SPOP: variants seen among roughly 807,000 people sequenced by gnomAD.
The protein encoded by SPOP is speckle-type POZ protein.
A neutral mutation model predicts 45.6 loss-of-function variants in SPOP; 11 were observed. The ratio of observed to expected loss-of-function variants is 0.24; its 90% CI spans 0.15 to 0.40. The LOEUF is 0.40. Among genes scored for constraint, SPOP ranks in the 10% least tolerant of loss-of-function variants. The pLI, the probability that SPOP is intolerant of heterozygous loss-of-function variation, is 1.00. For synonymous variants in SPOP, 166 were observed against 166.3 expected, an observed-to-expected ratio of 1.00 and a Z score of 0.01; for missense variants, 152 against 465.6, an observed-to-expected ratio of 0.33 and a Z score of 6.20.
chr17:49,661,884 A>G (rs1468351093), intron 1 of SPOP, among the ~76,000 whole-genome samples: 1 of 152,016 alleles, frequency 6.6e-6, no homozygotes, highest in Non-Finnish European at 1.5e-5. Context: ...ATTGTGGTGC[A>G]TGCCTGTAAT....
intron 1 of SPOP, among the ~76,000 whole-genome samples, chr17:49,676,351 G>A (rs977066427): frequency 1.3e-5 from 2 of 152,158 alleles, no homozygotes; most frequent in Non-Finnish European, 2.9e-5. Flanking sequence ...TGTTCCCTGT[G>A]TGTCATCTCT....
chr17:49,600,234 T>G lies in SPOP; in HGVS notation c.*144A>C. 1.8e-6 allele frequency: 2 copies of G among 1,114,668 alleles called. No individual in the cohort carries two copies. Among genetic ancestry groups the G allele is most frequent in the Non-Finnish European group, 2.6e-6 (2 of 773,378 alleles). 69.0% of individuals were successfully genotyped at this position (1,114,668 alleles called of 1,614,324 possible). A position where few individuals can be genotyped will look rare whatever the true frequency, so the allele number is the denominator to read the frequency against. The stretch of plus-strand genomic sequence containing the variant: ...TCCCCCAAGTTATTTAGTGCTGTTT[T>G]AAAAGTCTGGGGCCACAATGCAGTC... On this transcript the variant is annotated 3_prime_UTR_variant, in exon 10 of 10. Coordinates refer to ENST00000504102, the MANE Select transcript of SPOP (RefSeq NM_001007228.2). The surrounding 1 kb of genome is among the most constrained non-coding windows in gnomAD (Gnocchi z 4.2).
chr17:49,673,310 C>G (rs1264487463), intron 1 of SPOP, among the ~76,000 whole-genome samples: 2 of 152,020 alleles, frequency 1.3e-5, no homozygotes, highest in East Asian at 3.9e-4. Flanking sequence ...TCAAGACCAT[C>G]CTGGCTAACA....
intron 1 of SPOP, among the ~76,000 whole-genome samples, chr17:49,655,788 T>C (rs1567798306): frequency 3.3e-5 from 5 of 152,196 alleles, no homozygotes; most frequent in Non-Finnish European, 7.4e-5. Flanking sequence ...AGCTCAGTCT[T>C]AGCCATAAAA....
chr17:49,615,417 T>A (rs1252768134), intron 5 of SPOP, among the ~76,000 whole-genome samples: 1 of 152,216 alleles, frequency 6.6e-6, no homozygotes, highest in Non-Finnish European at 1.5e-5. Context: ...CTGAACTATT[T>A]CATGAAGATT....
intron 1 of SPOP, among the ~76,000 whole-genome samples, chr17:49,672,753 C>T (rs2073152049): frequency 6.6e-6 from 1 of 151,992 alleles, no homozygotes; most frequent in South Asian, 2.1e-4. Flanking sequence ...TCGAGACTGG[C>T]CTAGCCAACA....
Position 49,619,502 on chromosome 17 carries a change from T to C in SPOP, c.201-117A>G. 9.0e-7 allele frequency: 1 copy of C among 1,111,736 alleles called. No individual in the cohort carries two copies. 68.9% of individuals were successfully genotyped at this position (1,111,736 alleles called of 1,614,324 possible). A position where few individuals can be genotyped will look rare whatever the true frequency, so the allele number is the denominator to read the frequency against. On this transcript the variant is annotated intron_variant, in intron 3 of 9. Transcript: ENST00000504102. This position sits in a 1 kb window ranked among gnomAD's most constrained non-coding sequence, Gnocchi z 4.9. The stretch of plus-strand genomic sequence containing the variant: ...CAAATGCAGGCCCCATAGAAGAATA[T>C]AATTCAGTAGAATGACTAGTTGGGA...
intron 1 of SPOP, among the ~76,000 whole-genome samples, chr17:49,626,260 A>T (rs929262185): frequency 1.3e-5 from 2 of 152,180 alleles, no homozygotes; most frequent in African/African-American, 4.8e-5. Flanking sequence ...GGATCATTCT[A>T]TAATAGTTTT....
intron 2 of SPOP, 102 bp downstream of exon 2, chr17:49,622,631 C>A: frequency 1.0e-6 from 1 of 1,003,108 alleles, no homozygotes; most frequent in Non-Finnish European, 1.6e-6. Context: ...CAGTTATGTT[C>A]CAGAGAAAGC....
chr17:49,618,473 G>A (rs2072137762), intron 5 of SPOP: 1 of 449,712 alleles, frequency 2.2e-6, no homozygotes, highest in Non-Finnish European at 4.5e-6. Flanking sequence ...GCTTTACATA[G>A]CCTTCACCCT....
rs992841817 is a variant in SPOP, at chr17:49,607,809, A to G, written c.714+65T>C. 5 of 1,462,160 alleles carry G rather than the reference A, an allele frequency of 3.4e-6. No homozygotes were observed. In the African/African-American group the frequency reaches 4.2e-5, roughly 12 times the overall value. 90.6% of individuals were successfully genotyped at this position (1,462,160 alleles called of 1,614,324 possible). A position where few individuals can be genotyped will look rare whatever the true frequency, so the allele number is the denominator to read the frequency against. On this transcript the variant is annotated intron_variant, in intron 7 of 9. Coordinates refer to ENST00000504102, the MANE Select transcript of SPOP (RefSeq NM_001007228.2). ...TAATTAGGAAAATGAATCTGCAGCT[A>G]AAGTGGGAAATCATCTGACTCTAGA...
chr17:49,667,456 G>C (rs2073078021), intron 1 of SPOP, among the ~76,000 whole-genome samples: 2 of 152,096 alleles, frequency 1.3e-5, no homozygotes, highest in Non-Finnish European at 2.9e-5. Flanking sequence ...GGGCGTGGTG[G>C]CATGCGCCTG....
Position 49,622,483 on chromosome 17 carries a change from G to A in SPOP, c.78+250C>T, listed in dbSNP as rs1326268963. ...GAAACTCAGAACACACTTTCATCAA[G>A]GGCAATGTAAGCAGATCTAGTTTCA... On this transcript the variant is annotated intron_variant, in intron 2 of 9. Transcript: ENST00000504102. 3 of 551,770 alleles carry A rather than the reference G, an allele frequency of 5.4e-6. No individual in the cohort carries two copies. The African/African-American group carries it at 5.7e-5, about 10-fold the overall frequency. 34.2% of individuals were successfully genotyped at this position (551,770 alleles called of 1,614,324 possible).
At chr17:49,663,110 G>A (rs1351744668) in intron 1 of SPOP, among the ~76,000 whole-genome samples, 8 of 152,246 alleles carry the variant, frequency 5.3e-5, no homozygotes, top group East Asian at 1.9e-4. Flanking sequence ...AGACCTTACC[G>A]ACCCATGGCC....
intron 1 of SPOP, among the ~76,000 whole-genome samples, chr17:49,665,479 G>T (rs1230062): frequency 0.077 from 11,619 of 151,824 alleles, 532 homozygotes; most frequent in East Asian, 0.22. Context: ...GCCAGGCGTG[G>T]TGGCAGGCGC....
At chr17:49,646,724 G>C (rs370882018) in intron 1 of SPOP, 1 of 152,130 alleles carries the variant, frequency 6.6e-6, no homozygotes, top group East Asian at 1.9e-4. Flanking sequence ...AGCTCTGTGA[G>C]GCACACAGAG....
In SPOP at chr17:49,600,405, G is replaced by A. The variant is rs2143097854; in HGVS notation, c.1098C>T (p.Pro366=). 6.2e-7 allele frequency: 1 copy of A among 1,614,082 alleles called. No homozygotes were observed. The highest frequency in any genetic ancestry group is 8.5e-7 in the Non-Finnish European group (1 of 1,180,000). Reference sequence around the variant, plus strand: ...AGGATTGCTTCAGGCGTTTGCGTGGGGGTCCCAGAAAAGGGCACTGTGCTG... The same window carrying A: ...AGGATTGCTTCAGGCGTTTGCGTGGAGGTCCCAGAAAAGGGCACTGTGCTG... ...LASAQCPFLG[P]PRKRLKQS Residue 366 remains proline, a synonymous_variant, in exon 10 of 10, where the codon CCC becomes CCT. Coordinates refer to ENST00000504102, the MANE Select transcript of SPOP (RefSeq NM_001007228.2). The surrounding 1 kb of genome is among the most constrained non-coding windows in gnomAD (Gnocchi z 4.2).
chr17:49,616,094 AC>A (rs1567776049), intron 5 of SPOP, among the ~76,000 whole-genome samples: 2 of 152,238 alleles, frequency 1.3e-5, no homozygotes, highest in African/African-American at 4.8e-5. Flanking sequence ...ATCACCCTGA[AC>A]ACGCCTGATT....
At chr17:49,672,090 A>T (rs2073143282) in intron 1 of SPOP, among the ~76,000 whole-genome samples, 1 of 152,190 alleles carries the variant, frequency 6.6e-6, no homozygotes, top group South Asian at 2.1e-4. Flanking sequence ...CAGTGAGCCA[A>T]GATCGCTCCA....
Sources: allele counts gnomAD v4.1 joint callset (sites outside exome capture counted in the v4.1 genomes callset), GRCh38; gene constraint gnomAD v4.1.1; non-coding constraint Gnocchi (gnomAD v3.1); transcripts MANE v1.5; gene names NCBI Gene and HGNC (gene_info 2026-07-23, HGNC 2026-07-21).